LRFN5: variants seen among roughly 807,000 people sequenced by gnomAD.
The protein encoded by LRFN5 is leucine rich repeat and fibronectin type III domain containing 5.
In LRFN5, 24 loss-of-function variants were observed where a neutral mutation model predicts 45.6. The ratio of observed to expected loss-of-function variants is 0.53; its 90% confidence interval spans 0.38 to 0.74. The LOEUF is 0.74. LRFN5 is among the 30% of genes least tolerant of loss of function. The pLI is 0.00. For synonymous variants in LRFN5, 340 were observed against 313.8 expected (o/e 1.08, Z -0.88); for missense variants, 776 against 861.5 (o/e 0.90, Z 1.24).
intron 1 of LRFN5, among the ~76,000 whole-genome samples, chr14:41,682,745 G>T (rs1881957932): frequency 6.6e-6 from 1 of 152,132 alleles, no homozygotes; most frequent in South Asian, 2.1e-4. Flanking sequence ...GTTCTTCCTG[G>T]TTCTTCCTGA....
chr14:41,731,604 C>T (rs1884179423), intron 1 of LRFN5, among the ~76,000 whole-genome samples: 1 of 152,028 alleles, frequency 6.6e-6, no homozygotes, highest in Non-Finnish European at 1.5e-5. Context: ...TTGCTACTTC[C>T]ACCATTCTAC....
chr14:41,893,434 A>T (rs1890847452), intron 4 of LRFN5: 1 of 985,148 alleles, frequency 1.0e-6, no homozygotes, highest in African/African-American at 1.7e-5. Flanking sequence ...GAACTGACCC[A>T]TTGCTTTGCA....
chr14:41,882,903 T>C lies in LRFN5; in HGVS notation c.-20-3703T>C, dbSNP rs1223552783. 1.8e-4 allele frequency among the ~76,000 whole-genome samples: 26 copies of C among 146,982 alleles called. No individual in the cohort carries two copies. In the Admixed American group the frequency reaches 1.8e-3, roughly 10 times the overall value. ...TCGTTCTGTCACCCAGGCTGGAGTGTAATGGCGCGATCTCTGCTTACTGCA... is the reference window on the plus strand; with the variant it reads ...TCGTTCTGTCACCCAGGCTGGAGTGCAATGGCGCGATCTCTGCTTACTGCA... On this transcript the variant is annotated intron_variant, in intron 2 of 5. Transcript: ENST00000298119.
intron 2 of LRFN5, among the ~76,000 whole-genome samples, chr14:41,787,343 G>A (rs1482597579): frequency 6.6e-6 from 1 of 151,960 alleles, no homozygotes; most frequent in Non-Finnish European, 1.5e-5. Context: ...CAAACTTATA[G>A]GTTCTATTTG....
At position 41,750,280 on chromosome 14, in the gene LRFN5, T is replaced by TATAC. The variant is rs1175060916; in HGVS notation, c.-196-16571_-196-16570insCATA. Among the ~76,000 whole-genome samples the TATAC allele has an allele frequency of 1.5e-3, 15 of 9,690 alleles. No individual in the cohort carries two copies. The Admixed American group carries it at 0.019, about 13-fold the overall frequency. 6.4% of individuals were successfully genotyped at this position (9,690 alleles called of 152,430 possible). A position where few individuals can be genotyped will look rare whatever the true frequency, so the allele number is the denominator to read the frequency against. The stretch of plus-strand genomic sequence containing the variant: ...GAGTAACTTTTCTTATATATATATA[T>TATAC]ATATATATATATATATAAGATTTTT... On this transcript the variant is annotated intron_variant, in intron 1 of 5. Transcript: ENST00000298119.
At chr14:41,716,704 C>T (rs1883509039) in intron 1 of LRFN5, among the ~76,000 whole-genome samples, 1 of 152,158 alleles carries the variant, frequency 6.6e-6, no homozygotes, top group Non-Finnish European at 1.5e-5. Flanking sequence ...CCACATTTTC[C>T]TGTCTTCTGA....
At chr14:41,856,675 A>ATTATTATTATTATTATTATTAT in intron 2 of LRFN5, among the ~76,000 whole-genome samples, 1 of 18,328 alleles carries the variant, frequency 5.5e-5, no homozygotes, top group African/African-American at 1.3e-4. Context: ...TATTATTATT[A>ATTATTATTATTATTATTATTAT]TTTTTTTTTT....
chr14:41,624,477 C>G (rs1888253997), intron 1 of LRFN5, among the ~76,000 whole-genome samples: 1 of 151,918 alleles, frequency 6.6e-6, no homozygotes, highest in African/African-American at 2.4e-5. Context: ...TAGCATATAG[C>G]AAAAAATAGA....
intron 1 of LRFN5, among the ~76,000 whole-genome samples, chr14:41,699,164 C>T (rs998862127): frequency 1.3e-5 from 2 of 151,846 alleles, no homozygotes; most frequent in East Asian, 1.9e-4. Flanking sequence ...ACAGAGGAAT[C>T]GCCTGGAGAT....
At chr14:41,826,834 T>C (rs752323281) in intron 2 of LRFN5, among the ~76,000 whole-genome samples, 1 of 152,166 alleles carries the variant, frequency 6.6e-6, no homozygotes, top group Non-Finnish European at 1.5e-5. Context: ...GTAAGAATTG[T>C]GTAAATGTTG....
chr14:41,746,917 C>G (rs982047198), intron 1 of LRFN5, among the ~76,000 whole-genome samples: 3 of 151,606 alleles, frequency 2.0e-5, no homozygotes, highest in African/African-American at 7.3e-5. Context: ...TAATAATGAA[C>G]AGTATGAAAA....
chr14:41,899,899 A>T (rs368896752), intron 5 of LRFN5, among the ~76,000 whole-genome samples: 22 of 152,278 alleles, frequency 1.4e-4, no homozygotes, highest in East Asian at 5.8e-4. Context: ...ATACTGAAAC[A>T]ATCAATAGCA....
At chr14:41,860,081 C>T (rs573378276) in intron 2 of LRFN5, among the ~76,000 whole-genome samples, 7 of 152,210 alleles carry the variant, frequency 4.6e-5, no homozygotes, top group African/African-American at 1.7e-4. Flanking sequence ...AGACAGTTAT[C>T]GCTGCCATTA....
chr14:41,640,960 T>C (rs1879547414), intron 1 of LRFN5, among the ~76,000 whole-genome samples: 1 of 152,060 alleles, frequency 6.6e-6, no homozygotes, highest in South Asian at 2.1e-4. Context: ...AACAACTATA[T>C]GTGAATCCCT....
intron 1 of LRFN5, among the ~76,000 whole-genome samples, chr14:41,661,503 G>C (rs1359542000): frequency 6.6e-6 from 1 of 152,068 alleles, no homozygotes; most frequent in African/African-American, 2.4e-5. Context: ...GGGTTGAAGA[G>C]TTAAATAAAT....
chr14:41,865,893 T>C (rs1889822817), intron 2 of LRFN5, among the ~76,000 whole-genome samples: 1 of 152,194 alleles, frequency 6.6e-6, no homozygotes, highest in East Asian at 1.9e-4. Flanking sequence ...CTTTGCCCAA[T>C]TATAATCTGT....
At chr14:41,803,067 A>AAAAC (rs962599570) in intron 2 of LRFN5, among the ~76,000 whole-genome samples, 1 of 152,152 alleles carries the variant, frequency 6.6e-6, no homozygotes, top group Non-Finnish European at 1.5e-5. Flanking sequence ...TATACCTCCC[A>AAAAC]AAACAAACAA....
rs545512071 is a variant in LRFN5 at position 41,890,288 on chromosome 14, G to T, written c.1386-962G>T. Among the ~76,000 whole-genome samples the T allele has an allele frequency of 8.5e-5, 13 of 152,296 alleles. No homozygotes were observed. In the South Asian group the frequency reaches 2.5e-3, roughly 29 times the overall value. On this transcript the variant is annotated intron_variant, in intron 3 of 5. Coordinates refer to ENST00000298119, the MANE Select transcript of LRFN5 (RefSeq NM_152447.5). ...TGAGGGATTTATGCTCTGGTCAATA[G>T]CCTTGCCTTGTTCATGTTTCTAGGA... is the stretch of plus-strand genomic sequence containing the variant.
chr14:41,816,258 C>T (rs533216240), intron 2 of LRFN5, among the ~76,000 whole-genome samples: 117 of 151,974 alleles, frequency 7.7e-4, no homozygotes, highest in African/African-American at 2.1e-3. Context: ...ATTTCACACA[C>T]ATATATATAT....
Sources: allele counts gnomAD v4.1 joint callset (sites outside exome capture counted in the v4.1 genomes callset), GRCh38; gene constraint gnomAD v4.1.1; transcripts MANE v1.5; gene names NCBI Gene and HGNC (gene_info 2026-07-23, HGNC 2026-07-21).